Variants in SPAG9 observed in about 807,000 individuals in gnomAD.
The protein encoded by SPAG9 is sperm associated antigen 9, also known as C-Jun-amino-terminal kinase-interacting protein 4.
A neutral mutation model predicts 166.5 loss-of-function variants in SPAG9; 35 were observed. That is an observed-to-expected ratio of 0.21 (90% CI 0.16 to 0.28). The LOEUF (loss-of-function observed/expected upper bound fraction) is 0.28. Among genes scored for constraint, SPAG9 ranks in the 10% least tolerant of loss-of-function variants. SPAG9 has a pLI of 1.00. For missense variants in SPAG9, 1,235 were observed against 1,603.3 expected (o/e 0.77, Z 3.92); for synonymous variants, 534 against 565.5 (o/e 0.94, Z 0.79).
intron 13 of SPAG9, 131 bp from the exon 14 acceptor site, chr17:50,999,848 G>A: frequency 3.0e-6 from 2 of 671,738 alleles, no homozygotes; most frequent in Non-Finnish European, 5.1e-6. Context: ...AATAAATACT[G>A]TAGTTACTTT....
intron 9 of SPAG9, among the ~76,000 whole-genome samples, 195 bp from the exon 10 acceptor site, chr17:51,007,521 C>T (rs1037681779): frequency 2.6e-5 from 4 of 152,046 alleles, no homozygotes; most frequent in African/African-American, 9.7e-5. Flanking sequence ...TCATTACGAA[C>T]AAGGCTAAAG....
chr17:50,973,326 T>G (rs1280610394), intron 28 of SPAG9, among the ~76,000 whole-genome samples: 1 of 152,096 alleles, frequency 6.6e-6, no homozygotes, highest in Non-Finnish European at 1.5e-5. Context: ...GAGAATGGGA[T>G]TGGAGAGGGA....
rs759754753 is a variant in SPAG9, at chr17:51,021,336, T to G, written c.813A>C (p.Gly271=). ...TTGATGCTGGAGTGGTAGCTTTAGA[T>G]CCGCCTTGGCTAACATCAGAAAGCT... ...EDELSDVSQG[G]SKATTPASTA... is the part of the protein sequence containing the mutation. Residue 271 remains glycine, a synonymous_variant, in exon 7 of 30, where the codon GGA becomes GGC. Coordinates refer to ENST00000262013, the MANE Select transcript of SPAG9 (RefSeq NM_001130528.3). The G allele has an allele frequency of 1.9e-6, 3 of 1,613,752 alleles. No homozygotes were observed. The highest frequency in any genetic ancestry group is 2.5e-6 in the Non-Finnish European group (3 of 1,179,848).
chr17:50,996,671 C>T lies in SPAG9; in HGVS notation c.1862G>A (p.Arg621His), dbSNP rs781136117. The T allele has an allele frequency of 1.2e-5, 19 of 1,613,922 alleles. No homozygotes were observed. The highest frequency in any genetic ancestry group is 6.7e-5 in the Admixed American group (4 of 59,982). Residue 621 changes from arginine to histidine, a missense_variant, in exon 16 of 30, where the codon CGC becomes CAC. Physicochemically the swap from Arg to His is conservative, Grantham distance 29. Around this residue, in one of 6 missense-constraint regions of SPAG9, gnomAD observed 493 missense variants for 559.4 expected, o/e 0.88. Transcript: ENST00000262013. ...ATACTGCTCTCTCTTTTGTTCTCTG[C>T]GTGAGGCTAAACTAGCTTCAGTTCT... ...SEETEASLAS[R>H]REQKREQYRQ... is the part of the protein sequence containing the mutation.
intron 1 of SPAG9, among the ~76,000 whole-genome samples, chr17:51,103,396 G>C (rs1255570763): frequency 6.6e-6 from 1 of 152,168 alleles, no homozygotes. Context: ...GGGTGTTAAG[G>C]CTTTCCAGAA....
intron 2 of SPAG9, among the ~76,000 whole-genome samples, chr17:51,060,170 A>G (rs2047464562): frequency 6.6e-6 from 1 of 151,844 alleles, no homozygotes; most frequent in African/African-American, 2.4e-5. Flanking sequence ...TTGAAGCTCT[A>G]CCTCCCAATA....
Position 51,120,322 on chromosome 17 carries a change from T to C in SPAG9, c.303+32A>G. The C allele has an allele frequency of 6.7e-7, 1 of 1,496,424 alleles. No individual in the cohort carries two copies. The highest frequency in any genetic ancestry group is 8.9e-7 in the Non-Finnish European group (1 of 1,122,048). The allele number at this position is 1,496,424 out of a possible 1,614,324, so 92.7% of individuals were successfully genotyped here. On this transcript the variant is annotated intron_variant, in intron 1 of 29. Coordinates refer to ENST00000262013, the MANE Select transcript of SPAG9 (RefSeq NM_001130528.3). The surrounding 1 kb of genome is among the most constrained non-coding windows in gnomAD (Gnocchi z 4.7). ...CGCCCCGGCCGCCCCCGGAGACGGATCCCGCGGCCCCCGCCCTGCCGCCGG... is the reference window on the plus strand; with the variant it reads ...CGCCCCGGCCGCCCCCGGAGACGGACCCCGCGGCCCCCGCCCTGCCGCCGG...
intron 5 of SPAG9, among the ~76,000 whole-genome samples, chr17:51,039,458 T>C (rs948517446): frequency 6.6e-6 from 1 of 152,186 alleles, no homozygotes; most frequent in African/African-American, 2.4e-5. Context: ...AACTAGACTT[T>C]TGCCATTTTG....
intron 1 of SPAG9, among the ~76,000 whole-genome samples, chr17:51,110,631 G>A (rs2049081952): frequency 6.6e-6 from 1 of 152,150 alleles, no homozygotes; most frequent in Non-Finnish European, 1.5e-5. Flanking sequence ...AACAGTTGCA[G>A]TGAGCCAAGA....
chr17:51,024,506 A>T (rs924447636), intron 6 of SPAG9, among the ~76,000 whole-genome samples: 4 of 152,004 alleles, frequency 2.6e-5, no homozygotes, highest in African/African-American at 9.7e-5. Flanking sequence ...CAGGCAGATC[A>T]CCTGAGGTCA....
intron 1 of SPAG9, among the ~76,000 whole-genome samples, chr17:51,107,218 T>A (rs1222957045): frequency 6.6e-6 from 1 of 151,832 alleles, no homozygotes; most frequent in Non-Finnish European, 1.5e-5. Context: ...AAGGTAGAAC[T>A]AGAGAATCAT....
chr17:51,097,056 AG>A (rs2048667919), intron 1 of SPAG9, among the ~76,000 whole-genome samples: 2 of 152,242 alleles, frequency 1.3e-5, no homozygotes, highest in South Asian at 4.1e-4. Context: ...CTGAAGGTGA[AG>A]TTGATCACCA....
At chr17:51,055,816 C>T (rs2047348643) in intron 3 of SPAG9, among the ~76,000 whole-genome samples, 1 of 151,986 alleles carries the variant, frequency 6.6e-6, no homozygotes, top group East Asian at 1.9e-4. Flanking sequence ...ACATGAAAGG[C>T]TGACAGGGAA....
At position 50,993,863 on chromosome 17, in the gene SPAG9, C is replaced by A; in HGVS notation, c.2299G>T (p.Ala767Ser). ...GCATCAATAATAAGAACTTTTGTAGCCGAATGAGTGCTGGTACAGATCCAA... is the reference window on the plus strand; with the variant it reads ...GCATCAATAATAAGAACTTTTGTAGACGAATGAGTGCTGGTACAGATCCAA... The part of the protein sequence containing the change: ...LVWICTSTHS[A>S]TKVLIIDAVQ... Residue 767 changes from alanine (A) to serine (S), a missense_variant, in exon 19 of 30, where the codon GCT (alanine) becomes TCT (serine). Ala to Ser is a moderately conservative substitution (Grantham distance 99, BLOSUM62 1). This residue lies in a region of SPAG9 where 493 missense variants were observed against 559.4 expected (regional missense o/e 0.88). Coordinates refer to ENST00000262013, the MANE Select transcript of SPAG9 (RefSeq NM_001130528.3). 6.2e-7 allele frequency: 1 copy of A among 1,614,124 alleles called. No homozygotes were observed. Among genetic ancestry groups the A allele is most frequent in the African/African-American group, 1.3e-5 (1 of 75,036 alleles).
chr17:51,007,458 T>C (rs1402492043), intron 9 of SPAG9, 132 bp from the exon 10 acceptor site: 1 of 429,972 alleles, frequency 2.3e-6, no homozygotes, highest in Non-Finnish European at 4.1e-6. Context: ...ATTTTGTCTA[T>C]AATTTCATTT....
chr17:51,098,549 G>C (rs950250856), intron 1 of SPAG9, among the ~76,000 whole-genome samples: 5 of 152,036 alleles, frequency 3.3e-5, no homozygotes, highest in Non-Finnish European at 7.4e-5. Flanking sequence ...TTGGAGTGCA[G>C]TGGTGTGATC....
At chr17:51,067,296 G>C (rs555353406) in intron 2 of SPAG9, among the ~76,000 whole-genome samples, 4 of 152,120 alleles carry the variant, frequency 2.6e-5, no homozygotes, top group Admixed American at 6.6e-5. Flanking sequence ...ACACTTTTGA[G>C]AAGTCATTTT....
chr17:51,064,838 T>C (rs948791180), intron 2 of SPAG9, among the ~76,000 whole-genome samples: 11 of 152,170 alleles, frequency 7.2e-5, no homozygotes, highest in African/African-American at 2.7e-4. Context: ...ATGGTGAATT[T>C]TGGCCGGGTG....
Position 51,005,238 on chromosome 17 carries a change from T to G in SPAG9, c.1450A>C (p.Arg484=), listed in dbSNP as rs551421281. 6.2e-7 allele frequency: 1 copy of G among 1,614,094 alleles called. No individual in the cohort carries two copies. The highest frequency in any genetic ancestry group is 1.3e-5 in the African/African-American group (1 of 75,066). The change falls in exon 12 of 30, where the codon AGG becomes CGG. Residue 484 remains arginine (R), a synonymous_variant. Coordinates refer to ENST00000262013, the MANE Select transcript of SPAG9 (RefSeq NM_001130528.3). ...TCATCGTCATCTTTTGCTTTTTGCCTTGCATCTTCAGCTTCTGCCCGAGCT... is the reference window on the plus strand; with the variant it reads ...TCATCGTCATCTTTTGCTTTTTGCCGTGCATCTTCAGCTTCTGCCCGAGCT... ...RKARAEAEDA[R]QKAKDDDDSD...
Sources: allele counts gnomAD v4.1 joint callset (sites outside exome capture counted in the v4.1 genomes callset), GRCh38; gene constraint gnomAD v4.1.1; regional missense constraint gnomAD v4.1.1; non-coding constraint Gnocchi (gnomAD v3.1); transcripts MANE v1.5; gene names NCBI Gene and HGNC (gene_info 2026-07-23, HGNC 2026-07-21).